The following HS6ST3 variants were observed in gnomAD, a reference collection of about 807,000 sequenced individuals.
HS6ST3 encodes the protein heparan-sulfate 6-O-sulfotransferase 3.
In HS6ST3, 12 loss-of-function variants were observed where a neutral mutation model predicts 36.7. The observed-to-expected ratio is 0.33, with a 90% CI of 0.21 to 0.53. The LOEUF is 0.53. Among genes scored for constraint, HS6ST3 ranks in the 20% least tolerant of loss-of-function variants. HS6ST3 has a pLI of 0.95. For missense variants in HS6ST3, 584 were observed against 640.9 expected (o/e 0.91, Z 0.96); for synonymous variants, 240 against 257.5 (o/e 0.93, Z 0.65).
intron 1 of HS6ST3, among the ~76,000 whole-genome samples, chr13:96,265,124 A>G (rs1321492353): frequency 6.6e-6 from 1 of 152,188 alleles, no homozygotes. Flanking sequence ...TCTTTCTTGG[A>G]AATTTTGAAT....
chr13:96,656,298 T>A (rs1309588963), intron 1 of HS6ST3, among the ~76,000 whole-genome samples: 2 of 152,186 alleles, frequency 1.3e-5, no homozygotes, highest in Non-Finnish European at 2.9e-5. Context: ...ATGCTGTCCA[T>A]CCATGATTTC....
intron 1 of HS6ST3, among the ~76,000 whole-genome samples, chr13:96,163,051 G>A (rs369104760): frequency 1.4e-4 from 21 of 151,974 alleles, no homozygotes; most frequent in African/African-American, 5.1e-4. Context: ...TCTAACAAGG[G>A]GTGGAATGAT....
At position 96,838,316 on chromosome 13, in the gene HS6ST3, A is replaced by G. The variant is rs149754001; in HGVS notation, c.*5118A>G. ...TATTTAAAAGAAATGAATGAAGAGG[A>G]TCTTGAGACAGGACCAGAGCATTGG... On this transcript the variant is annotated 3_prime_UTR_variant, in exon 2 of 2. Transcript: ENST00000376705. 210 of 152,304 alleles carry G rather than the reference A, an allele frequency of 1.4e-3. No individual in the cohort carries two copies. The highest frequency in any genetic ancestry group is 4.4e-3 in the African/African-American group (183 of 41,586). 9.4% of individuals were successfully genotyped at this position (152,304 alleles called of 1,614,324 possible). A position where few individuals can be genotyped will look rare whatever the true frequency, so the allele number is the denominator to read the frequency against.
chr13:96,098,161 A>G (rs2053800536), intron 1 of HS6ST3, among the ~76,000 whole-genome samples: 1 of 152,240 alleles, frequency 6.6e-6, no homozygotes. Context: ...GCCACACATC[A>G]GAAACTCATT....
At chr13:96,330,028 T>G (rs914656251) in intron 1 of HS6ST3, among the ~76,000 whole-genome samples, 4 of 150,642 alleles carry the variant, frequency 2.7e-5, no homozygotes, top group African/African-American at 9.8e-5. Flanking sequence ...TGTTTTCCAT[T>G]TGCTTGGTAG....
chr13:96,499,218 G>T (rs1232880847), intron 1 of HS6ST3, among the ~76,000 whole-genome samples: 1 of 151,946 alleles, frequency 6.6e-6, no homozygotes, highest in Non-Finnish European at 1.5e-5. Context: ...CAGAGACAGG[G>T]TTTCACCATG....
chr13:96,306,692 G>T (rs2139406913), intron 1 of HS6ST3, among the ~76,000 whole-genome samples: 1 of 152,204 alleles, frequency 6.6e-6, no homozygotes, highest in East Asian at 1.9e-4. Context: ...CTTGTCCTGT[G>T]TGCACGGCCT....
chr13:96,453,693 T>C (rs1010660602), intron 1 of HS6ST3, among the ~76,000 whole-genome samples: 13 of 152,192 alleles, frequency 8.5e-5, no homozygotes, highest in Non-Finnish European at 1.9e-4. Flanking sequence ...ACTGGTTACT[T>C]TGCTCATTCA....
chr13:96,742,209 G>A (rs1239143714), intron 1 of HS6ST3, among the ~76,000 whole-genome samples: 1 of 151,944 alleles, frequency 6.6e-6, no homozygotes, highest in Non-Finnish European at 1.5e-5. Context: ...CAAGAGGCAG[G>A]GGAGTACAAT....
At position 96,835,320 on chromosome 13, in the gene HS6ST3, T is replaced by C. The variant is rs557271783; in HGVS notation, c.*2122T>C. Reference sequence around the variant, plus strand: ...CCACATCACTGAGCCATCAATGAGCTGAGAGATCAATGACTTTTTAGGCAG... The same window carrying C: ...CCACATCACTGAGCCATCAATGAGCCGAGAGATCAATGACTTTTTAGGCAG... On this transcript the variant is annotated 3_prime_UTR_variant, in exon 2 of 2. Coordinates refer to ENST00000376705, the MANE Select transcript of HS6ST3 (RefSeq NM_153456.4). 3.4e-4 allele frequency: 52 copies of C among 152,446 alleles called. No homozygotes were observed. Among genetic ancestry groups the C allele is most frequent in the African/African-American group, 1.2e-3 (49 of 41,578 alleles). The allele number at this position is 152,446 out of a possible 1,614,324, so 9.4% of individuals were successfully genotyped here. A position where few individuals can be genotyped will look rare whatever the true frequency, so the allele number is the denominator to read the frequency against.
Position 96,832,930 on chromosome 13 carries a change from G to A in HS6ST3, c.1148G>A (p.Arg383Gln), listed in dbSNP as rs761521237. ...ISPFTQFNIT[R>Q]ASNVEINEGA... Reference sequence around the variant, plus strand: ...CCCTTCACACAGTTCAACATCACGCGGGCTTCTAACGTGGAGATCAACGAG... The same window carrying A: ...CCCTTCACACAGTTCAACATCACGCAGGCTTCTAACGTGGAGATCAACGAG... Residue 383 changes from arginine to glutamine, a missense_variant, in exon 2 of 2, where the codon CGG becomes CAG. Arg to Gln is a conservative substitution (Grantham distance 43, BLOSUM62 1). This residue lies in a region of HS6ST3 where 360 missense variants were observed against 411.3 expected (regional missense o/e 0.88). Transcript: ENST00000376705. 3.1e-6 allele frequency: 5 copies of A among 1,613,974 alleles called. No homozygotes were observed. The highest frequency in any genetic ancestry group is 1.7e-5 in the Admixed American group (1 of 59,992).
At chr13:96,436,966 AT>A (rs35877373) in intron 1 of HS6ST3, among the ~76,000 whole-genome samples, 71,703 of 150,976 alleles carry the variant, frequency 0.47, 17,624 homozygotes, top group African/African-American at 0.61. Context: ...AAGGGCCTCC[AT>A]TTTTTTTTTC....
At chr13:96,492,172 C>T (rs80258078) in intron 1 of HS6ST3, among the ~76,000 whole-genome samples, 1 of 152,168 alleles carries the variant, frequency 6.6e-6, no homozygotes, top group Non-Finnish European at 1.5e-5. Flanking sequence ...ATAGATGCTG[C>T]CATTTTATTG....
At chr13:96,486,323 A>T (rs1035100044) in intron 1 of HS6ST3, among the ~76,000 whole-genome samples, 5 of 152,142 alleles carry the variant, frequency 3.3e-5, no homozygotes, top group Non-Finnish European at 7.3e-5. Context: ...CTCAATAAAC[A>T]TCCGTGTGCA....
At chr13:96,096,531 G>A (rs2053792056) in intron 1 of HS6ST3, among the ~76,000 whole-genome samples, 1 of 152,124 alleles carries the variant, frequency 6.6e-6, no homozygotes, top group Non-Finnish European at 1.5e-5. Context: ...AAGAAAAAAA[G>A]GATTATAAAT....
chr13:96,423,177 C>G lies in HS6ST3; in HGVS notation c.707+331608C>G, dbSNP rs2055569718. On this transcript the variant is annotated intron_variant, in intron 1 of 1. Coordinates refer to ENST00000376705, the MANE Select transcript of HS6ST3 (RefSeq NM_153456.4). ...TCTTTTCTCCTTAAGAATGAGGGTC[C>G]CCTCTTCATTCTAATTCGGGTATTT... Among the ~76,000 whole-genome samples, 3 of 152,054 alleles carry G rather than the reference C, an allele frequency of 2.0e-5. No individual in the cohort carries two copies. In the South Asian group the frequency reaches 6.2e-4, roughly 32 times the overall value.
At chr13:96,522,438 T>C (rs1006250984) in intron 1 of HS6ST3, among the ~76,000 whole-genome samples, 12 of 152,152 alleles carry the variant, frequency 7.9e-5, no homozygotes, top group Non-Finnish European at 1.6e-4. Flanking sequence ...CTGTCTAATA[T>C]TGACAGTGGG....
At chr13:96,463,786 A>G (rs1194732930) in intron 1 of HS6ST3, among the ~76,000 whole-genome samples, 1 of 152,122 alleles carries the variant, frequency 6.6e-6, no homozygotes, top group Admixed American at 6.5e-5. Context: ...AAACACAAGA[A>G]AAAAGGAACA....
intron 1 of HS6ST3, among the ~76,000 whole-genome samples, chr13:96,483,295 A>C (rs958998359): frequency 6.6e-6 from 1 of 152,156 alleles, no homozygotes; most frequent in African/African-American, 2.4e-5. Flanking sequence ...TACGAGGTGA[A>C]TATTCCACTA....
Sources: allele counts gnomAD v4.1 joint callset (sites outside exome capture counted in the v4.1 genomes callset), GRCh38; gene constraint gnomAD v4.1.1; regional missense constraint gnomAD v4.1.1; transcripts MANE v1.5; gene names NCBI Gene and HGNC (gene_info 2026-07-23, HGNC 2026-07-21).